HIF1A: variants seen among roughly 807,000 people sequenced by gnomAD.
HIF1A encodes the protein hypoxia-inducible factor 1-alpha.
In HIF1A, 24 loss-of-function variants were observed where a neutral mutation model predicts 92.7. The ratio of observed to expected loss-of-function variants is 0.26; its 90% CI spans 0.19 to 0.36. The LOEUF is 0.36. Among genes scored for constraint, HIF1A ranks in the 10% least tolerant of loss-of-function variants. HIF1A has a pLI of 1.00. For missense variants in HIF1A, 799 were observed against 998.5 expected (o/e 0.80, Z 2.69); for synonymous variants, 319 against 338.7 (o/e 0.94, Z 0.64).
chr14:61,706,332 C>G (rs1424663706), intron 1 of HIF1A, among the ~76,000 whole-genome samples: 5 of 152,154 alleles, frequency 3.3e-5, no homozygotes, highest in Non-Finnish European at 7.4e-5. Flanking sequence ...GAAAAAAATT[C>G]AGTTGCCACA....
At chr14:61,721,845 A>T (rs1473147369) in intron 4 of HIF1A, 22 bp downstream of exon 4, 4 of 1,541,822 alleles carry the variant, frequency 2.6e-6, no homozygotes, top group Non-Finnish European at 3.6e-6. Context: ...CTGTTGTTTG[A>T]TTTAATGTGA....
intron 7 of HIF1A, among the ~76,000 whole-genome samples, 179 bp from the exon 8 acceptor site, chr14:61,733,959 A>T (rs2140149144): frequency 6.6e-6 from 1 of 152,344 alleles, no homozygotes; most frequent in African/African-American, 2.4e-5. Context: ...GAAAAAGGAA[A>T]TGGGTACATT....
At chr14:61,702,088 A>G (rs2044183712) in intron 1 of HIF1A, among the ~76,000 whole-genome samples, 1 of 152,066 alleles carries the variant, frequency 6.6e-6, no homozygotes, top group Non-Finnish European at 1.5e-5. Flanking sequence ...CAATGATTGA[A>G]TAATTGGATG....
At chr14:61,724,748 A>C (rs1049545999) in intron 4 of HIF1A, among the ~76,000 whole-genome samples, 2 of 151,914 alleles carry the variant, frequency 1.3e-5, no homozygotes, top group Non-Finnish European at 2.9e-5. Flanking sequence ...CTACCTCTTC[A>C]TTTGTCTTTT....
At position 61,740,607 on chromosome 14, in the gene HIF1A, A is replaced by G; in HGVS notation, c.1639A>G (p.Lys547Glu). 6.2e-7 allele frequency: 1 copy of G among 1,606,946 alleles called. No individual in the cohort carries two copies. The highest frequency in any genetic ancestry group is 1.3e-5 in the African/African-American group (1 of 74,534). ...EKLFAEDTEA[K>E]NPFSTQDTDL... Reference sequence around the variant, plus strand: ...ACTTTTTGCTGAAGACACAGAAGCAAAGAACCCATTTTCTACTCAGGTATA... The same window carrying G: ...ACTTTTTGCTGAAGACACAGAAGCAGAGAACCCATTTTCTACTCAGGTATA... Residue 547 changes from lysine to glutamate, a missense_variant, in exon 11 of 15, where the codon AAG becomes GAG. This residue lies in a region of HIF1A where 516 missense variants were observed against 721.0 expected (regional missense o/e 0.72). Coordinates refer to ENST00000337138, the MANE Select transcript of HIF1A (RefSeq NM_001530.4).
At chr14:61,710,978 C>T (rs1477000665) in intron 1 of HIF1A, among the ~76,000 whole-genome samples, 2 of 146,788 alleles carry the variant, frequency 1.4e-5, no homozygotes, top group African/African-American at 5.1e-5. Context: ...ACCTGGGAGG[C>T]GGAGGTTGCA....
intron 6 of HIF1A, among the ~76,000 whole-genome samples, chr14:61,731,319 C>G (rs1371930319): frequency 3.3e-5 from 5 of 152,132 alleles, no homozygotes; most frequent in African/African-American, 9.7e-5. Context: ...CAGCATGGTA[C>G]TAAGAAGACA....
At chr14:61,724,567 AT>A (rs1469382152) in intron 4 of HIF1A, among the ~76,000 whole-genome samples, 2 of 152,146 alleles carry the variant, frequency 1.3e-5, no homozygotes, top group African/African-American at 4.8e-5. Context: ...ATAGGCTGGA[AT>A]TCATCTTGTT....
intron 8 of HIF1A, 33 bp downstream of exon 8, chr14:61,734,318 G>T: frequency 6.7e-7 from 1 of 1,482,530 alleles, no homozygotes; most frequent in South Asian, 1.3e-5. Flanking sequence ...CATTTTTGGG[G>T]AACAAATAGT....
Position 61,747,154 on chromosome 14 carries a change from T to G in HIF1A, c.*69T>G. ...ATTACCTAAAGCAGTCTATTTATAT[T>G]TTCTACATCTAATTTTAGAAGCCTG... On this transcript the variant is annotated 3_prime_UTR_variant, in exon 15 of 15. Transcript: ENST00000337138. The G allele has an allele frequency of 1.5e-6, 2 of 1,351,948 alleles. No individual in the cohort carries two copies. Among genetic ancestry groups the G allele is most frequent in the Non-Finnish European group, 2.0e-6 (2 of 992,154 alleles). The allele number at this position is 1,351,948 out of a possible 1,614,324, so 83.7% of individuals were successfully genotyped here.
chr14:61,713,938 G>A (rs1391735493), intron 1 of HIF1A, among the ~76,000 whole-genome samples: 2 of 152,158 alleles, frequency 1.3e-5, no homozygotes, highest in Non-Finnish European at 2.9e-5. Flanking sequence ...TTGCTCACCT[G>A]GTGGTGGAGA....
chr14:61,745,883 A>C, intron 14 of HIF1A, 66 bp downstream of exon 14: 1 of 1,363,314 alleles, frequency 7.3e-7, no homozygotes, highest in African/African-American at 1.5e-5. Context: ...TTTATTTAGG[A>C]GCTTTAATCT....
At chr14:61,699,478 AG>A (rs1271550591) in intron 1 of HIF1A, among the ~76,000 whole-genome samples, 1 of 150,106 alleles carries the variant, frequency 6.7e-6, no homozygotes, top group African/African-American at 2.5e-5. Context: ...TTTTTTCTGA[AG>A]AACTCAGTTT....
intron 14 of HIF1A, among the ~76,000 whole-genome samples, chr14:61,746,440 A>G (rs1207129116): frequency 8.2e-6 from 1 of 122,274 alleles, no homozygotes; most frequent in Non-Finnish European, 1.6e-5. Context: ...TCTGTTGCCC[A>G]GGCCTGGAGT....
Position 61,732,468 on chromosome 14 carries a change from T to C in HIF1A, c.824T>C (p.Ile275Thr), listed in dbSNP as rs902275287. Reference sequence around the variant, plus strand: ...CCAGAAGAACTTTTAGGCCGCTCAATTTATGAATATTATCATGCTTTGGAC... The same window carrying C: ...CCAGAAGAACTTTTAGGCCGCTCAACTTATGAATATTATCATGCTTTGGAC... ...YEPEELLGRS[I>T]YEYYHALDSD... Residue 275 changes from isoleucine to threonine, a missense_variant, in exon 7 of 15, where the codon ATT (isoleucine) becomes ACT (threonine). Physicochemically the swap from Ile to Thr is moderately conservative, Grantham distance 89. Around this residue, in one of 2 missense-constraint regions of HIF1A, gnomAD observed 516 missense variants for 721.0 expected, o/e 0.72. Coordinates refer to ENST00000337138, the MANE Select transcript of HIF1A (RefSeq NM_001530.4). 6.2e-7 allele frequency: 1 copy of C among 1,611,844 alleles called. No homozygotes were observed. Among genetic ancestry groups the C allele is most frequent in the African/African-American group, 1.3e-5 (1 of 74,862 alleles).
chr14:61,723,124 T>G (rs1021332345), intron 4 of HIF1A, among the ~76,000 whole-genome samples: 2 of 152,252 alleles, frequency 1.3e-5, no homozygotes, highest in Non-Finnish European at 2.9e-5. Context: ...GTGCATACGT[T>G]TGTTTGCTTC....
chr14:61,713,068 A>G (rs563280001), intron 1 of HIF1A, among the ~76,000 whole-genome samples: 2 of 152,264 alleles, frequency 1.3e-5, no homozygotes, highest in South Asian at 4.1e-4. Flanking sequence ...CAGAAGGAGT[A>G]GAGTAAGCAA....
intron 1 of HIF1A, among the ~76,000 whole-genome samples, chr14:61,710,405 A>T (rs532103350): frequency 1.3e-5 from 2 of 152,204 alleles, no homozygotes; most frequent in African/African-American, 2.4e-5. Context: ...TTCTGGGAAG[A>T]GTGTTAGACT....
At chr14:61,735,290 T>A (rs2044622396) in intron 8 of HIF1A, among the ~76,000 whole-genome samples, 1 of 152,318 alleles carries the variant, frequency 6.6e-6, no homozygotes, top group East Asian at 1.9e-4. Context: ...AAATCTAGGG[T>A]CACTCCTCTT....
Sources: gnomAD v4.1 joint callset for allele counts (sites outside exome capture counted in the v4.1 genomes callset) on GRCh38, gnomAD v4.1.1 for gene constraint, gnomAD v4.1.1 regional missense constraint, MANE v1.5 for transcripts, NCBI Gene and HGNC (gene_info 2026-07-23, HGNC 2026-07-21) for gene names.